The following ZSCAN22 variants were observed in gnomAD, a reference collection of about 807,000 sequenced individuals.
ZSCAN22 encodes the protein zinc finger and SCAN domain-containing protein 22.
Under a neutral mutation model 12.4 loss-of-function variants are expected in ZSCAN22, and 7 were observed. The observed-to-expected ratio is 0.57, with a 90% CI of 0.32 to 1.06. ZSCAN22 has a LOEUF of 1.06. ZSCAN22 is among the 50% of genes least tolerant of loss of function. The pLI, the probability that ZSCAN22 is intolerant of heterozygous loss-of-function variation, is 0.04. For synonymous variants in ZSCAN22, 243 were observed against 255.9 expected (o/e 0.95, Z 0.48); for missense variants, 576 against 631.7 (o/e 0.91, Z 0.94).
rs1488815605 is a variant in ZSCAN22, at chr19:58,329,371, C to T, written c.-52+2257C>T. Among the ~76,000 whole-genome samples, 2 of 152,176 alleles carry T rather than the reference C, an allele frequency of 1.3e-5. No homozygotes were observed. The highest frequency in any genetic ancestry group is 2.9e-5 in the Non-Finnish European group (2 of 68,034). On this transcript the variant is annotated intron_variant, in intron 1 of 2. Transcript: ENST00000329665. This position sits in a 1 kb window ranked among gnomAD's most constrained non-coding sequence, Gnocchi z 4.1. ...CAGGCACACTGAGCGTCCTGGCTGA[C>T]ATTGAAGGAAAGGAAAAAGAACTCC...
chr19:58,337,454 G>A (rs1303331605), intron 2 of ZSCAN22, among the ~76,000 whole-genome samples: 1 of 107,660 alleles, frequency 9.3e-6, no homozygotes, highest in Non-Finnish European at 1.9e-5. Flanking sequence ...GACGCAAGGT[G>A]TCGAGTGTGA....
In ZSCAN22 at chr19:58,339,141, T is replaced by G; in HGVS notation, c.1291T>G (p.Ser431Ala). 1.2e-6 allele frequency: 2 copies of G among 1,614,160 alleles called. No homozygotes were observed. The highest frequency in any genetic ancestry group is 2.2e-5 in the South Asian group (2 of 91,086). ...SALIRHLRIH[S>A]GEKPYQCKVC... ...CCTGATCCGACATCTGAGAATCCAC[T>G]CTGGAGAGAAGCCATATCAGTGTAA... Residue 431 changes from serine to alanine, a missense_variant, in exon 3 of 3, where the codon TCT (serine) becomes GCT (alanine). By Grantham distance (99) the Ser-to-Ala change is moderately conservative. Transcript: ENST00000329665. The surrounding 1 kb of genome is among the most constrained non-coding windows in gnomAD (Gnocchi z 5.6).
At chr19:58,333,432 A>T (rs2051749927) in intron 1 of ZSCAN22, among the ~76,000 whole-genome samples, 1 of 152,242 alleles carries the variant, frequency 6.6e-6, no homozygotes, top group Non-Finnish European at 1.5e-5. Context: ...ATTTTAAATG[A>T]TCGAAATCCA....
In ZSCAN22 at chr19:58,331,214, AC is replaced by A. The variant is rs1208244422; in HGVS notation, c.-51-3537del. ...AGAACACCCAACAATTATCAAATGC[AC>A]TTTTTTTTTTTTTTTTTTTGAGACA... On this transcript the variant is annotated intron_variant, in intron 1 of 2. Transcript: ENST00000329665. Among the ~76,000 whole-genome samples, 219 of 139,240 alleles carry A rather than the reference AC, an allele frequency of 1.6e-3. 1 individual carries two copies. The highest frequency in any genetic ancestry group is 5.9e-3 in the African/African-American group (210 of 35,494). 91.3% of individuals were successfully genotyped at this position (139,240 alleles called of 152,430 possible).
chr19:58,338,417 A>G lies in ZSCAN22; in HGVS notation c.567A>G (p.Leu189=), dbSNP rs537864726. The G allele has an allele frequency of 3.8e-4, 616 of 1,614,182 alleles. 5 individuals carry two copies. The South Asian group carries it at 6.3e-3, about 17-fold the overall frequency. ...AGGGCAGCTCAGAGAGGTCTGGACTATCAGGGGAGATCTGGACAAAGTCTG... is the reference window on the plus strand; with the variant it reads ...AGGGCAGCTCAGAGAGGTCTGGACTGTCAGGGGAGATCTGGACAAAGTCTG... ...EPEGSSERSG[L]SGEIWTKSVT... is the part of the protein sequence containing the mutation. The change falls in exon 3 of 3, where the codon CTA becomes CTG. Residue 189 remains leucine, a synonymous_variant. Transcript: ENST00000329665. This position sits in a 1 kb window ranked among gnomAD's most constrained non-coding sequence, Gnocchi z 5.4.
chr19:58,333,946 T>A (rs933746725), intron 1 of ZSCAN22, among the ~76,000 whole-genome samples: 1 of 152,360 alleles, frequency 6.6e-6, no homozygotes, highest in Middle Eastern at 3.4e-3. Flanking sequence ...ATACAACATA[T>A]CAAACTTGTG....
At position 58,329,141 on chromosome 19, in the gene ZSCAN22, A is replaced by G. The variant is rs2051692022; in HGVS notation, c.-52+2027A>G. ...ACAAGGGGCTTAGAAAGGCCACAAG[A>G]GACCCAGGAGAACTTTACAGTGCGG... On this transcript the variant is annotated intron_variant, in intron 1 of 2. Transcript: ENST00000329665. This position sits in a 1 kb window ranked among gnomAD's most constrained non-coding sequence, Gnocchi z 4.1. Among the ~76,000 whole-genome samples the G allele has an allele frequency of 6.6e-6, 1 of 152,168 alleles. No homozygotes were observed. The highest frequency in any genetic ancestry group is 2.1e-4 in the South Asian group (1 of 4,824).
At position 58,338,768 on chromosome 19, in the gene ZSCAN22, C is replaced by G. The variant is rs1484031450; in HGVS notation, c.918C>G (p.Ser306Arg). 2 of 1,614,142 alleles carry G rather than the reference C, an allele frequency of 1.2e-6. No individual in the cohort carries two copies. Among genetic ancestry groups the G allele is most frequent in the Admixed American group, 3.3e-5 (2 of 60,026 alleles). The stretch of plus-strand genomic sequence containing the variant: ...GCAGCGAGTGTGGGAAAGCCTTCAG[C>G]CGGAGCACTCACCTCGCCCAGCACC... ...YACSECGKAF[S>R]RSTHLAQHQV... The change falls in exon 3 of 3, where the codon AGC (serine) becomes AGG (arginine). Residue 306 changes from serine (S) to arginine (R), a missense_variant. Physicochemically the swap from Ser to Arg is moderately radical, Grantham distance 110. Transcript: ENST00000329665. This position sits in a 1 kb window ranked among gnomAD's most constrained non-coding sequence, Gnocchi z 5.4.
intron 1 of ZSCAN22, among the ~76,000 whole-genome samples, chr19:58,331,848 A>G (rs1343359895): frequency 1.3e-5 from 2 of 151,052 alleles, no homozygotes; most frequent in African/African-American, 2.4e-5. Flanking sequence ...CCTGGCCAAC[A>G]TTATTTTTTT....
In ZSCAN22 at chr19:58,335,837, G is replaced by A. The variant is rs1009503804; in HGVS notation, c.403+632G>A. ...TGGGCTGGCCTCCAGGATTTGGGTG[G>A]GTCAGACCTGCCCCAGGCTCAGCTG... On this transcript the variant is annotated intron_variant, in intron 2 of 2. Transcript: ENST00000329665. The surrounding 1 kb of genome is among the most constrained non-coding windows in gnomAD (Gnocchi z 4.1). Among the ~76,000 whole-genome samples the A allele has an allele frequency of 7.2e-5, 11 of 152,196 alleles. No homozygotes were observed. Among genetic ancestry groups the A allele is most frequent in the Non-Finnish European group, 1.3e-4 (9 of 68,030 alleles).
In ZSCAN22 at chr19:58,338,949, C is replaced by T. The variant is rs776977112; in HGVS notation, c.1099C>T (p.Leu367Phe). The part of the protein sequence containing the change: ...CGKTFSRSTH[L>F]TQHQRVHTGE... Reference sequence around the variant, plus strand: ...TAAAACCTTCAGCCGCAGCACTCACCTCACCCAGCACCAGCGGGTGCACAC... The same window carrying T: ...TAAAACCTTCAGCCGCAGCACTCACTTCACCCAGCACCAGCGGGTGCACAC... Residue 367 changes from leucine (L) to phenylalanine (F), a missense_variant, in exon 3 of 3, where the codon CTC becomes TTC. By Grantham distance (22) the Leu-to-Phe change is conservative (BLOSUM62 0). Transcript: ENST00000329665. The surrounding 1 kb of genome is among the most constrained non-coding windows in gnomAD (Gnocchi z 5.4). 2.5e-6 allele frequency: 4 copies of T among 1,614,046 alleles called. No individual in the cohort carries two copies. Among genetic ancestry groups the T allele is most frequent in the East Asian group, 4.5e-5 (2 of 44,878 alleles).
intron 2 of ZSCAN22, among the ~76,000 whole-genome samples, chr19:58,337,933 CCTCT>C (rs980647019): frequency 3.3e-5 from 5 of 152,332 alleles, no homozygotes; most frequent in African/African-American, 7.2e-5. Context: ...ACAGACCCTC[CCTCT>C]CTCTCTGTCT....
chr19:58,339,346 G>A lies in ZSCAN22; in HGVS notation c.*20G>A. ...CAATGACCGGAAGTCGCCCCTGGGG[G>A]CGTAGCACAGCGTCTTCTCGGAGGC... On this transcript the variant is annotated 3_prime_UTR_variant, in exon 3 of 3. Transcript: ENST00000329665. The surrounding 1 kb of genome is among the most constrained non-coding windows in gnomAD (Gnocchi z 5.6). The A allele has an allele frequency of 6.4e-7, 1 of 1,555,852 alleles. No individual in the cohort carries two copies. Among genetic ancestry groups the A allele is most frequent in the Non-Finnish European group, 8.7e-7 (1 of 1,150,008 alleles).
Position 58,335,769 on chromosome 19 carries a change from C to T in ZSCAN22, c.403+564C>T, listed in dbSNP as rs78404968. ...TGCCTGGGGTGGCTGTTGGGGGTGA[C>T]GGAAATACCAGATGTCCCTGTGTAC... is the stretch of plus-strand genomic sequence containing the variant. On this transcript the variant is annotated intron_variant, in intron 2 of 2. Coordinates refer to ENST00000329665, the MANE Select transcript of ZSCAN22 (RefSeq NM_181846.3). The surrounding 1 kb of genome is among the most constrained non-coding windows in gnomAD (Gnocchi z 4.1). Among the ~76,000 whole-genome samples, 1,161 of 152,324 alleles carry T rather than the reference C, an allele frequency of 7.6e-3. 11 individuals carry two copies. Among genetic ancestry groups the T allele is most frequent in the African/African-American group, 0.026 (1,075 of 41,584 alleles).
Position 58,335,268 on chromosome 19 carries a change from G to C in ZSCAN22, c.403+63G>C, listed in dbSNP as rs940283732. On this transcript the variant is annotated intron_variant, in intron 2 of 2. Coordinates refer to ENST00000329665, the MANE Select transcript of ZSCAN22 (RefSeq NM_181846.3). The surrounding 1 kb of genome is among the most constrained non-coding windows in gnomAD (Gnocchi z 4.1). The stretch of plus-strand genomic sequence containing the variant: ...AGATACACCCTGGACAGGAACATGG[G>C]AGCACAGGGCTCTGGTTTGGGGTTG... The C allele has an allele frequency of 2.0e-6, 3 of 1,463,558 alleles. No homozygotes were observed. The highest frequency in any genetic ancestry group is 2.7e-6 in the Non-Finnish European group (3 of 1,106,196). The allele number at this position is 1,463,558 out of a possible 1,614,324, so 90.7% of individuals were successfully genotyped here.
intron 1 of ZSCAN22, among the ~76,000 whole-genome samples, chr19:58,333,737 G>A (rs2051753745): frequency 6.6e-6 from 1 of 152,224 alleles, no homozygotes; most frequent in Non-Finnish European, 1.5e-5. Flanking sequence ...CCAGCTACTT[G>A]GGAGGCTGAG....
At chr19:58,333,546 A>T (rs1002291474) in intron 1 of ZSCAN22, among the ~76,000 whole-genome samples, 46 of 152,238 alleles carry the variant, frequency 3.0e-4, no homozygotes, top group African/African-American at 1.1e-3. Context: ...GAGAGTTTTA[A>T]ATAAATAACC....
rs1318428954 is a variant in ZSCAN22, at chr19:58,339,406, G to C, written c.*80G>C. 7.6e-7 allele frequency: 1 copy of C among 1,317,278 alleles called. No individual in the cohort carries two copies. Among genetic ancestry groups the C allele is most frequent in the Non-Finnish European group, 1.0e-6 (1 of 970,392 alleles). The allele number at this position is 1,317,278 out of a possible 1,614,324, so 81.6% of individuals were successfully genotyped here. A position where few individuals can be genotyped will look rare whatever the true frequency, so the allele number is the denominator to read the frequency against. On this transcript the variant is annotated 3_prime_UTR_variant, in exon 3 of 3. Transcript: ENST00000329665. This position sits in a 1 kb window ranked among gnomAD's most constrained non-coding sequence, Gnocchi z 5.6. ...AAGAGAAACGCTGAGTTCCTGAAGA[G>C]CCACAGACAGGGTGGGTGATTGATG...
At chr19:58,332,464 G>A (rs1056981645) in intron 1 of ZSCAN22, among the ~76,000 whole-genome samples, 17 of 151,380 alleles carry the variant, frequency 1.1e-4, no homozygotes, top group Non-Finnish European at 2.4e-4. Flanking sequence ...TAGTAGAGAC[G>A]GGGTTTCACT....
Sources: allele counts gnomAD v4.1 joint callset (sites outside exome capture counted in the v4.1 genomes callset), GRCh38; gene constraint gnomAD v4.1.1; non-coding constraint Gnocchi (gnomAD v3.1); transcripts MANE v1.5; gene names NCBI Gene and HGNC (gene_info 2026-07-23, HGNC 2026-07-21).